Variants in RNF130 observed in about 807,000 individuals in gnomAD.
RNF130 encodes the protein E3 ubiquitin-protein ligase RNF130.
Under a neutral mutation model 44.6 loss-of-function variants are expected in RNF130, and 21 were observed. The observed-to-expected ratio is 0.47, with a 90% CI of 0.33 to 0.68. The LOEUF (loss-of-function observed/expected upper bound fraction) is 0.68. Among genes scored for constraint, RNF130 ranks in the 30% least tolerant of loss-of-function variants. The pLI, the probability that RNF130 is intolerant of heterozygous loss-of-function variation, is 0.02. For synonymous variants in RNF130, 214 were observed against 210.4 expected (o/e 1.02, Z -0.15); for missense variants, 479 against 560.6 (o/e 0.85, Z 1.47).
chr5:179,923,358 T>G (rs901245131), intron 7 of RNF130, among the ~76,000 whole-genome samples: 1 of 152,226 alleles, frequency 6.6e-6, no homozygotes, highest in African/African-American at 2.4e-5. Flanking sequence ...TGTAAATGTG[T>G]GGGTCTATTT....
At chr5:180,012,007 T>C (rs1763606170) in intron 3 of RNF130, among the ~76,000 whole-genome samples, 1 of 152,176 alleles carries the variant, frequency 6.6e-6, no homozygotes, top group Non-Finnish European at 1.5e-5. Flanking sequence ...GTATTTTATA[T>C]GTACTTCCAC....
At chr5:179,967,182 AAG>A (rs1476808998) in intron 6 of RNF130, among the ~76,000 whole-genome samples, 172 bp from the exon 7 acceptor site, 1 of 151,990 alleles carries the variant, frequency 6.6e-6, no homozygotes, top group Non-Finnish European at 1.5e-5. Flanking sequence ...CTCTCACCCT[AAG>A]AGTTTTTCTT....
chr5:179,998,859 T>TTTTATATATA (rs377231994), intron 3 of RNF130, among the ~76,000 whole-genome samples: 1 of 88,750 alleles, frequency 1.1e-5, no homozygotes, highest in Admixed American at 1.2e-4. Context: ...CTAGTATTTT[T>TTTTATATATA]TATATATATA....
At chr5:180,068,177 C>T (rs1765151162) in intron 1 of RNF130, among the ~76,000 whole-genome samples, 1 of 152,254 alleles carries the variant, frequency 6.6e-6, no homozygotes, top group Admixed American at 6.5e-5. Context: ...CCAACCCCCA[C>T]TCTGGGGCCA....
chr5:180,018,431 C>T (rs559724858), intron 2 of RNF130, among the ~76,000 whole-genome samples: 11 of 152,224 alleles, frequency 7.2e-5, no homozygotes, highest in South Asian at 4.1e-4. Flanking sequence ...GGAGAGAGAA[C>T]GAGTGCAAGT....
chr5:179,999,460 G>A (rs115009258), intron 3 of RNF130, among the ~76,000 whole-genome samples: 2,019 of 152,078 alleles, frequency 0.013, 16 homozygotes, highest in Non-Finnish European at 0.02. Context: ...GGTGGCTTAC[G>A]CCTGTAATCC....
chr5:180,019,363 G>A lies in RNF130; in HGVS notation c.443-6052C>T, dbSNP rs563581545. Among the ~76,000 whole-genome samples the A allele has an allele frequency of 6.2e-3, 913 of 148,400 alleles. 10 individuals are homozygous for A. Among genetic ancestry groups the A allele is most frequent in the African/African-American group, 0.022 (868 of 39,342 alleles). On this transcript the variant is annotated intron_variant, in intron 2 of 8. Transcript: ENST00000521389. ...CACGCCACTGCACTCCAGCCTGGGCGACAGAGCGAGACTCTGTCTCAAAAA... is the reference window on the plus strand; with the variant it reads ...CACGCCACTGCACTCCAGCCTGGGCAACAGAGCGAGACTCTGTCTCAAAAA...
chr5:180,002,270 G>C (rs539424003), intron 3 of RNF130, among the ~76,000 whole-genome samples: 20 of 152,364 alleles, frequency 1.3e-4, no homozygotes, highest in African/African-American at 4.6e-4. Flanking sequence ...AAGCAGCTGG[G>C]GGAAGAACAG....
At chr5:179,987,744 A>G (rs770688032) in intron 3 of RNF130, among the ~76,000 whole-genome samples, 1 of 152,164 alleles carries the variant, frequency 6.6e-6, no homozygotes, top group Non-Finnish European at 1.5e-5. Context: ...TTGTTCCTTT[A>G]TTCTGTTGAT....
chr5:180,054,484 C>T (rs1258630891), intron 1 of RNF130, among the ~76,000 whole-genome samples: 1 of 152,132 alleles, frequency 6.6e-6, no homozygotes, highest in Admixed American at 6.5e-5. Context: ...CCAGTTGTCC[C>T]CGCACCCTTT....
chr5:180,046,180 G>A (rs1764562114), intron 1 of RNF130, among the ~76,000 whole-genome samples: 1 of 152,174 alleles, frequency 6.6e-6, no homozygotes, highest in South Asian at 2.1e-4. Flanking sequence ...GCAGCTGCTG[G>A]CCCAGGTGCT....
At chr5:179,941,007 TTTCAA>T (rs1227447870) in intron 7 of RNF130, among the ~76,000 whole-genome samples, 2 of 152,234 alleles carry the variant, frequency 1.3e-5, no homozygotes, top group Non-Finnish European at 2.9e-5. Context: ...GAGTTCTTCC[TTTCAA>T]TTATTTTTCA....
chr5:180,048,617 G>A (rs1295347291), intron 1 of RNF130, among the ~76,000 whole-genome samples: 1 of 152,190 alleles, frequency 6.6e-6, no homozygotes, highest in Non-Finnish European at 1.5e-5. Flanking sequence ...CACCCTGGGA[G>A]GCAGAGAGAG....
intron 7 of RNF130, among the ~76,000 whole-genome samples, chr5:179,932,889 T>C (rs919023553): frequency 6.6e-6 from 1 of 152,170 alleles, no homozygotes; most frequent in Admixed American, 6.5e-5. Flanking sequence ...AACCTGTAAT[T>C]TTCTTTCTTG....
intron 3 of RNF130, among the ~76,000 whole-genome samples, chr5:180,008,967 A>G (rs1019313807): frequency 6.6e-6 from 1 of 152,210 alleles, no homozygotes; most frequent in Non-Finnish European, 1.5e-5. Context: ...TAAAAGAAGA[A>G]GTCTCAAAAG....
intron 8 of RNF130, among the ~76,000 whole-genome samples, chr5:179,960,288 CTGTTTA>C (rs1762297813): frequency 6.6e-6 from 1 of 152,162 alleles, no homozygotes; most frequent in Non-Finnish European, 1.5e-5. Flanking sequence ...GACTACCATC[CTGTTTA>C]TATTTGCAAA....
intron 1 of RNF130, among the ~76,000 whole-genome samples, chr5:180,055,779 G>C (rs1018762336): frequency 6.6e-6 from 1 of 152,010 alleles, no homozygotes; most frequent in Non-Finnish European, 1.5e-5. Flanking sequence ...ACTATAAAGG[G>C]TTAAAAAACA....
At position 179,983,333 on chromosome 5, in the gene RNF130, CTT is replaced by C. The variant is rs35802224; in HGVS notation, c.694-3135_694-3134del. ...GTGTATTCTGTCAGGTACAGATGAA[CTT>C]TTTTTTTTTTTTTTTTTTGCATATG... On this transcript the variant is annotated intron_variant, in intron 3 of 8. Transcript: ENST00000521389. Among the ~76,000 whole-genome samples the C allele has an allele frequency of 1.9e-3, 209 of 108,348 alleles. 1 individual carries two copies. Among genetic ancestry groups the C allele is most frequent in the African/African-American group, 4.5e-3 (122 of 27,132 alleles). The allele number at this position is 108,348 out of a possible 152,430, so 71.1% of individuals were successfully genotyped here.
intron 3 of RNF130, among the ~76,000 whole-genome samples, chr5:179,986,542 G>A (rs1443091924): frequency 6.6e-6 from 1 of 152,166 alleles, no homozygotes; most frequent in African/African-American, 2.4e-5. Context: ...CTACTCATAA[G>A]CGTATGTCAC....
Sources: allele counts gnomAD v4.1 joint callset (sites outside exome capture counted in the v4.1 genomes callset), GRCh38; gene constraint gnomAD v4.1.1; transcripts MANE v1.5; gene names NCBI Gene and HGNC (gene_info 2026-07-23, HGNC 2026-07-21).